VIPR2: variants seen among roughly 807,000 people sequenced by gnomAD.
The protein encoded by VIPR2 is vasoactive intestinal peptide receptor 2.
VIPR2 carries 48 observed loss-of-function variants against 58.0 expected under a neutral mutation model. The ratio of observed to expected loss-of-function variants is 0.83; its 90% CI spans 0.66 to 1.05. The LOEUF is 1.05. Among genes scored for constraint, VIPR2 ranks in the 50% least tolerant of loss-of-function variants. The pLI is 0.00. For synonymous variants in VIPR2, 243 were observed against 235.2 expected (o/e 1.03, Z -0.30); for missense variants, 534 against 558.0 (o/e 0.96, Z 0.43).
intron 4 of VIPR2, among the ~76,000 whole-genome samples, chr7:159,074,225 A>G (rs1257535663): frequency 6.6e-6 from 1 of 152,234 alleles, no homozygotes; most frequent in East Asian, 1.9e-4. Context: ...AGTGTAAAAT[A>G]TCTAGGAATA....
chr7:159,136,092 G>A (rs1432999951), intron 2 of VIPR2, among the ~76,000 whole-genome samples: 3 of 152,094 alleles, frequency 2.0e-5, no homozygotes, highest in South Asian at 2.1e-4. Context: ...ACAACATACC[G>A]GAAACTGGGT....
At chr7:159,088,100 G>A (rs527280524) in intron 4 of VIPR2, among the ~76,000 whole-genome samples, 1 of 152,186 alleles carries the variant, frequency 6.6e-6, no homozygotes, top group Non-Finnish European at 1.5e-5. Context: ...AGGGGAAGCC[G>A]GCAATGAGCC....
intron 2 of VIPR2, among the ~76,000 whole-genome samples, chr7:159,112,273 A>C (rs1358187218): frequency 6.6e-6 from 1 of 152,180 alleles, no homozygotes; most frequent in Non-Finnish European, 1.5e-5. Context: ...GAGGGAGCAG[A>C]GCTAGACGCT....
chr7:159,086,664 C>T lies in VIPR2; in HGVS notation c.357+17093G>A, dbSNP rs369456837. The stretch of plus-strand genomic sequence containing the variant: ...CCTGGGTGTGACAGCTGCGCTGATT[C>T]TCCATGGCCAGGTGTTGTGCCCAGG... On this transcript the variant is annotated intron_variant, in intron 4 of 12. Coordinates refer to ENST00000262178, the MANE Select transcript of VIPR2 (RefSeq NM_003382.5). Among the ~76,000 whole-genome samples the T allele has an allele frequency of 3.9e-3, 596 of 152,346 alleles. 6 individuals are homozygous for T. The highest frequency in any genetic ancestry group is 0.014 in the African/African-American group (574 of 41,582).
Position 159,034,237 on chromosome 7 carries a change from C to G in VIPR2, c.947G>C (p.Gly316Ala). The G allele has an allele frequency of 1.2e-6, 2 of 1,614,086 alleles. No homozygotes were observed. The highest frequency in any genetic ancestry group is 1.7e-6 in the Non-Finnish European group (2 of 1,180,020). ...CTTGTACTGAGACTGGTCGTTGCCG[C>G]CGACATCTGGGGATGTTAACTTCTG... ...LLQKLTSPDV[G>A]GNDQSQYKRL... The change falls in exon 10 of 13, where the codon GGC (glycine) becomes GCC (alanine). Residue 316 changes from glycine (G) to alanine (A), a missense_variant. Physicochemically the swap from Gly to Ala is moderately conservative, Grantham distance 60 (BLOSUM62 0). Transcript: ENST00000262178.
intron 2 of VIPR2, among the ~76,000 whole-genome samples, chr7:159,125,882 C>T (rs1282293944): frequency 6.6e-6 from 1 of 152,150 alleles, no homozygotes; most frequent in Non-Finnish European, 1.5e-5. Context: ...GACATTTCCT[C>T]GAAGCCACTG....
chr7:159,104,637 G>A (rs930701892), intron 3 of VIPR2, among the ~76,000 whole-genome samples: 17 of 146,350 alleles, frequency 1.2e-4, no homozygotes, highest in African/African-American at 3.4e-4. Context: ...CCCTCCTCCC[G>A]ACAGCACCCT....
At chr7:159,123,305 A>AG (rs1796533656) in intron 2 of VIPR2, among the ~76,000 whole-genome samples, 1 of 151,094 alleles carries the variant, frequency 6.6e-6, no homozygotes, top group Non-Finnish European at 1.5e-5. Context: ...AAAAAAAAAA[A>AG]AAAAAAAAAA....
chr7:159,034,694 C>T lies in VIPR2; in HGVS notation c.810-44G>A, dbSNP rs184029542. On this transcript the variant is annotated intron_variant, in intron 8 of 12. Transcript: ENST00000262178. ...AAATCAGGTTACCACCAACCACTTT[C>T]GCAAGACAGGTACAGAAGAATGAGC... 4.2e-4 allele frequency: 656 copies of T among 1,569,516 alleles called. 2 individuals are homozygous for T. The African/African-American group carries it at 6.2e-3, about 15-fold the overall frequency.
At chr7:159,039,434 T>A (rs1854179279) in intron 6 of VIPR2, among the ~76,000 whole-genome samples, 1 of 152,142 alleles carries the variant, frequency 6.6e-6, no homozygotes, top group Non-Finnish European at 1.5e-5. Flanking sequence ...GCCGAGATCC[T>A]GCCACTGCAC....
At chr7:159,060,209 AC>A (rs915722958) in intron 4 of VIPR2, among the ~76,000 whole-genome samples, 10 of 144,164 alleles carry the variant, frequency 6.9e-5, no homozygotes, top group African/African-American at 2.6e-4. Context: ...ACCACTCTCA[AC>A]TTACCTAATC....
At chr7:159,050,261 C>T (rs562943127) in intron 5 of VIPR2, among the ~76,000 whole-genome samples, 109 of 151,140 alleles carry the variant, frequency 7.2e-4, no homozygotes, top group African/African-American at 2.5e-3. Context: ...CGCTTGAACC[C>T]GGGAGGCAGA....
rs916375417 is a variant in VIPR2, at chr7:159,127,756, T to C, written c.151+14690A>G. On this transcript the variant is annotated intron_variant, in intron 2 of 12. Transcript: ENST00000262178. This position sits in a 1 kb window ranked among gnomAD's most constrained non-coding sequence, Gnocchi z 4.6. The stretch of plus-strand genomic sequence containing the variant: ...TTCCTCTTCCAGATGTTTGCTGTTA[T>C]TACCTTCATGGACAGCCAGTGCTTC... 6.6e-6 allele frequency among the ~76,000 whole-genome samples: 1 copy of C among 152,214 alleles called. No individual in the cohort carries two copies. Among genetic ancestry groups the C allele is most frequent in the African/African-American group, 2.4e-5 (1 of 41,448 alleles).
intron 4 of VIPR2, among the ~76,000 whole-genome samples, chr7:159,084,101 C>T (rs1857048269): frequency 6.6e-6 from 1 of 152,262 alleles, no homozygotes; most frequent in Admixed American, 6.5e-5. Context: ...ACCAATGCCA[C>T]TTTGCACAGG....
At chr7:159,066,320 A>T (rs976591711) in intron 4 of VIPR2, among the ~76,000 whole-genome samples, 4 of 148,412 alleles carry the variant, frequency 2.7e-5, no homozygotes, top group Non-Finnish European at 4.4e-5. Flanking sequence ...GGATTCCAGG[A>T]TGCCTGCTTC....
Position 159,031,828 on chromosome 7 carries a change from C to T in VIPR2, c.1143G>A (p.Glu381=), listed in dbSNP as rs1853602709. The T allele has an allele frequency of 6.2e-7, 1 of 1,614,012 alleles. No individual in the cohort carries two copies. The highest frequency in any genetic ancestry group is 8.5e-7 in the Non-Finnish European group (1 of 1,180,014). The change falls in exon 12 of 13, where the codon GAG becomes GAA. Residue 381 remains glutamate (E), a splice_region_variant and synonymous_variant. Coordinates refer to ENST00000262178, the MANE Select transcript of VIPR2 (RefSeq NM_003382.5). This position sits in a 1 kb window ranked among gnomAD's most constrained non-coding sequence, Gnocchi z 4.0. ...GGTTCCAAGGCGGCCATGAACTTAC[C>T]TCACTGTTCAGGAAACAGTAGAGGA... ...VAVLYCFLNS[E]VQCELKRKWR...
chr7:159,058,711 C>T (rs572232500), intron 4 of VIPR2, 133 bp from the exon 5 acceptor site: 16 of 656,334 alleles, frequency 2.4e-5, no homozygotes, highest in Admixed American at 1.5e-4. Context: ...GAGATAGTCT[C>T]GCTTTATAAT....
intron 2 of VIPR2, among the ~76,000 whole-genome samples, chr7:159,121,208 G>C (rs780453118): frequency 4.6e-4 from 69 of 149,140 alleles, no homozygotes; most frequent in Non-Finnish European, 8.9e-4. Context: ...CCATGCTGCT[G>C]TTCTGATTCC....
Position 159,096,954 on chromosome 7 carries a change from C to CA in VIPR2, c.357+6802dup, listed in dbSNP as rs1857889396. 3.2e-6 allele frequency: 5 copies of CA among 1,550,502 alleles called. No individual in the cohort carries two copies. Among genetic ancestry groups the CA allele is most frequent in the Middle Eastern group, 1.7e-4 (1 of 6,006 alleles). On this transcript the variant is annotated intron_variant, in intron 4 of 12. Coordinates refer to ENST00000262178, the MANE Select transcript of VIPR2 (RefSeq NM_003382.5). The surrounding 1 kb of genome is among the most constrained non-coding windows in gnomAD (Gnocchi z 5.5). ...CCCTCGTGGCTGGCATTGAGCTTGG[C>CA]ACCTGCTGGGCCTGAGGACCATGAG...
Sources: allele counts gnomAD v4.1 joint callset (sites outside exome capture counted in the v4.1 genomes callset), GRCh38; gene constraint gnomAD v4.1.1; non-coding constraint Gnocchi (gnomAD v3.1); transcripts MANE v1.5; gene names NCBI Gene and HGNC (gene_info 2026-07-23, HGNC 2026-07-21).